The following ZNF385B variants were observed in gnomAD, a reference collection of about 807,000 sequenced individuals.
ZNF385B encodes zinc finger protein 533.
Under a neutral mutation model 39.2 loss-of-function variants are expected in ZNF385B, and 23 were observed. The ratio of observed to expected loss-of-function variants is 0.59; its 90% CI spans 0.42 to 0.83. The LOEUF (loss-of-function observed/expected upper bound fraction) is 0.83. Among genes scored for constraint, ZNF385B ranks in the 40% least tolerant of loss-of-function variants. The pLI, the probability that ZNF385B is intolerant of heterozygous loss-of-function variation, is 0.00. For synonymous variants in ZNF385B, 205 were observed against 222.6 expected (o/e 0.92, Z 0.70); for missense variants, 552 against 598.9 (o/e 0.92, Z 0.82).
chr2:179,534,710 G>A (rs556408989), intron 4 of ZNF385B: 47 of 152,172 alleles, frequency 3.1e-4, no homozygotes, highest in African/African-American at 1.1e-3. Flanking sequence ...CACCTACCTT[G>A]TTCTCCCCTT....
intron 1 of ZNF385B, among the ~76,000 whole-genome samples, chr2:179,785,964 A>G (rs1488049600): frequency 6.6e-6 from 1 of 152,200 alleles, no homozygotes; most frequent in Non-Finnish European, 1.5e-5. Context: ...TGTGAAAGAA[A>G]GAGTACATCG....
chr2:179,521,353 GTTTT>G lies in ZNF385B; in HGVS notation c.442-2719_442-2716del, dbSNP rs56392185. 3.7e-5 allele frequency among the ~76,000 whole-genome samples: 4 copies of G among 108,172 alleles called. No individual in the cohort carries two copies. The East Asian group carries it at 8.0e-4, about 22-fold the overall frequency. The allele number at this position is 108,172 out of a possible 152,430, so 71.0% of individuals were successfully genotyped here. A position where few individuals can be genotyped will look rare whatever the true frequency, so the allele number is the denominator to read the frequency against. Reference sequence around the variant, plus strand: ...AGGCACCCACCACCGCACCTGGCCAGTTTTTTTTTTTTTTTTTTGTATTTTTAGT... The same window carrying G: ...AGGCACCCACCACCGCACCTGGCCAGTTTTTTTTTTTTTTGTATTTTTAGT... On this transcript the variant is annotated intron_variant, in intron 4 of 9. Transcript: ENST00000410066.
chr2:179,701,209 C>A (rs1353927890), intron 3 of ZNF385B, among the ~76,000 whole-genome samples: 1 of 152,124 alleles, frequency 6.6e-6, no homozygotes, highest in African/African-American at 2.4e-5. Flanking sequence ...TCCTCCCCAC[C>A]TGGCTTCTGG....
At chr2:179,501,171 A>G (rs1392759480) in intron 5 of ZNF385B, among the ~76,000 whole-genome samples, 1 of 152,162 alleles carries the variant, frequency 6.6e-6, no homozygotes, top group Non-Finnish European at 1.5e-5. Context: ...CACTATGGAG[A>G]ACAGTTGGGA....
chr2:179,446,424 G>A (rs963157061), intron 7 of ZNF385B, 101 bp downstream of exon 7: 1 of 1,451,694 alleles, frequency 6.9e-7, no homozygotes, highest in African/African-American at 1.4e-5. Flanking sequence ...AGAGAAGCAT[G>A]GAACAAACCT....
intron 3 of ZNF385B, among the ~76,000 whole-genome samples, chr2:179,568,304 G>A (rs1684822906): frequency 6.6e-6 from 1 of 152,170 alleles, no homozygotes; most frequent in South Asian, 2.1e-4. Context: ...TTTACTTCAT[G>A]GCACTTACTT....
At chr2:179,695,143 T>G (rs1179953549) in intron 3 of ZNF385B, among the ~76,000 whole-genome samples, 1 of 152,184 alleles carries the variant, frequency 6.6e-6, no homozygotes, top group Non-Finnish European at 1.5e-5. Flanking sequence ...GTAAACCACA[T>G]TAGAGTATGA....
At chr2:179,803,842 C>T (rs1487300897) in intron 1 of ZNF385B, among the ~76,000 whole-genome samples, 1 of 151,874 alleles carries the variant, frequency 6.6e-6, no homozygotes, top group African/African-American at 2.4e-5. Context: ...TGGGATCTTT[C>T]GATTATAAGA....
chr2:179,638,997 T>C (rs1006191045), intron 3 of ZNF385B, among the ~76,000 whole-genome samples: 3 of 151,834 alleles, frequency 2.0e-5, no homozygotes, highest in Admixed American at 6.6e-5. Flanking sequence ...GGCAGCCTGA[T>C]TGGTTGAGCT....
rs190060614 is a variant in ZNF385B at position 179,480,576 on chromosome 2, G to T, written c.715+2696C>A. On this transcript the variant is annotated intron_variant, in intron 6 of 9. Transcript: ENST00000410066. ...TTGTTTGGACCAGATTTCCCATCTG[G>T]GCAAAGCTTTTAATTTTCCAACTTG... 3.6e-3 allele frequency among the ~76,000 whole-genome samples: 547 copies of T among 152,220 alleles called. 2 individuals are homozygous for T. Among genetic ancestry groups the T allele is most frequent in the Admixed American group, 6.9e-3 (105 of 15,282 alleles).
chr2:179,790,670 C>T (rs573675162), intron 1 of ZNF385B, among the ~76,000 whole-genome samples: 2 of 152,254 alleles, frequency 1.3e-5, no homozygotes, highest in East Asian at 3.9e-4. Flanking sequence ...TTGTACCACT[C>T]ACCTGTTCCA....
At chr2:179,760,067 G>A (rs1355315008) in intron 3 of ZNF385B, among the ~76,000 whole-genome samples, 1 of 74,118 alleles carries the variant, frequency 1.3e-5, no homozygotes, top group Non-Finnish European at 3.0e-5. Flanking sequence ...TTTTTTTTTT[G>A]AGACGGAGTC....
At chr2:179,493,611 ACG>A (rs370301308) in intron 5 of ZNF385B, among the ~76,000 whole-genome samples, 29,342 of 130,698 alleles carry the variant, frequency 0.22, 5,319 homozygotes, top group East Asian at 0.52. Flanking sequence ...ACATATATGT[ACG>A]TACATATATG....
rs370311105 is a variant in ZNF385B at position 179,446,543 on chromosome 2, G to A, written c.943C>T (p.Leu315=). ...TGCTAACCTGTGTTGTGTGCCTCTA[G>A]CTGTGACAGGGAGTTCACAGCCACT... ...CKVAVNSLSQ[L]EAHNTGSKHK... is the part of the protein sequence containing the mutation. The change falls in exon 7 of 10, where the codon CTA becomes TTA. Residue 315 remains leucine (L), a synonymous_variant. Coordinates refer to ENST00000410066, the MANE Select transcript of ZNF385B (RefSeq NM_152520.6). 440 of 1,613,856 alleles carry A rather than the reference G, an allele frequency of 2.7e-4. 6 individuals are homozygous for A. The South Asian group carries it at 4.6e-3, about 17-fold the overall frequency.
At chr2:179,620,973 C>G (rs144080985) in intron 3 of ZNF385B, among the ~76,000 whole-genome samples, 3 of 152,086 alleles carry the variant, frequency 2.0e-5, no homozygotes, top group African/African-American at 4.8e-5. Flanking sequence ...TTTTCTCTGG[C>G]ACAGTGTCTT....
intron 1 of ZNF385B, among the ~76,000 whole-genome samples, chr2:179,832,410 G>A (rs889294698): frequency 2.0e-5 from 3 of 152,030 alleles, no homozygotes; most frequent in Non-Finnish European, 4.4e-5. Context: ...ACACTTCCAG[G>A]GTCAGTATTT....
intron 6 of ZNF385B, among the ~76,000 whole-genome samples, chr2:179,459,160 C>A (rs966384012): frequency 6.6e-6 from 1 of 152,138 alleles, no homozygotes; most frequent in Non-Finnish European, 1.5e-5. Flanking sequence ...AATGGACACT[C>A]AAAAGGAGGT....
Position 179,599,371 on chromosome 2 carries a change from C to T in ZNF385B, c.299-54402G>A, listed in dbSNP as rs146695962. On this transcript the variant is annotated intron_variant, in intron 3 of 9. Coordinates refer to ENST00000410066, the MANE Select transcript of ZNF385B (RefSeq NM_152520.6). ...TTAAAACAGTAAAAAGCAATGGAAACAAAGTGATAATTTTTGATAAACAAA... is the reference window on the plus strand; with the variant it reads ...TTAAAACAGTAAAAAGCAATGGAAATAAAGTGATAATTTTTGATAAACAAA... Among the ~76,000 whole-genome samples, 53 of 152,200 alleles carry T rather than the reference C, an allele frequency of 3.5e-4. 1 individual carries two copies. The East Asian group carries it at 9.4e-3, about 27-fold the overall frequency.
At chr2:179,705,021 T>A (rs553639663) in intron 3 of ZNF385B, among the ~76,000 whole-genome samples, 1 of 152,204 alleles carries the variant, frequency 6.6e-6, no homozygotes, top group South Asian at 2.1e-4. Flanking sequence ...CCCCCTTTTT[T>A]TCCCCTGGCC....
Sources: allele counts gnomAD v4.1 joint callset (sites outside exome capture counted in the v4.1 genomes callset), GRCh38; gene constraint gnomAD v4.1.1; transcripts MANE v1.5; gene names NCBI Gene and HGNC (gene_info 2026-07-23, HGNC 2026-07-21).